GREB1L: variants seen among roughly 807,000 people sequenced by gnomAD.
GREB1L encodes GREB1-like protein.
In GREB1L, 17 loss-of-function variants were observed where a neutral mutation model predicts 200.8. The ratio of observed to expected loss-of-function variants is 0.08; its 90% CI spans 0.06 to 0.13. GREB1L has a LOEUF of 0.13. GREB1L is among the 10% of genes least tolerant of loss of function. The pLI is 1.00. For missense variants in GREB1L, 1,657 were observed against 2,367.7 expected (o/e 0.70, Z 6.23); for synonymous variants, 789 against 893.0 (o/e 0.88, Z 2.08).
chr18:21,382,008 T>TTA (rs983346484), intron 2 of GREB1L, among the ~76,000 whole-genome samples: 3 of 152,166 alleles, frequency 2.0e-5, no homozygotes, highest in Admixed American at 2.0e-4. Flanking sequence ...CTACAAGCCT[T>TTA]ACCTACCAGC....
At chr18:21,363,271 A>ACCCCCCCCCCCCC (rs1567951929) in intron 1 of GREB1L, among the ~76,000 whole-genome samples, 4 of 7,310 alleles carry the variant, frequency 5.5e-4, no homozygotes, top group Admixed American at 1.5e-3. Context: ...CCCTGCCCCC[A>ACCCCCCCCCCCCC]CTCCGCCTCC....
chr18:21,386,775 G>C (rs888401569), intron 4 of GREB1L, among the ~76,000 whole-genome samples: 8 of 152,236 alleles, frequency 5.3e-5, no homozygotes, highest in East Asian at 1.9e-4. Context: ...AAAGTGCTAG[G>C]ATTACAGGCG....
intron 15 of GREB1L, chr18:21,468,930 C>T (rs2035373652): frequency 5.3e-6 from 2 of 374,732 alleles, no homozygotes; most frequent in Non-Finnish European, 1.1e-5. Context: ...ATACTGTGTC[C>T]TCATTGCATC....
chr18:21,292,062 A>G (rs755993919), intron 1 of GREB1L, among the ~76,000 whole-genome samples: 1 of 152,200 alleles, frequency 6.6e-6, no homozygotes, highest in African/African-American at 2.4e-5. Context: ...GGGCAGTTTT[A>G]TAGTAAAATT....
chr18:21,258,268 C>T (rs2037833172), intron 1 of GREB1L, among the ~76,000 whole-genome samples: 1 of 152,138 alleles, frequency 6.6e-6, no homozygotes, highest in African/African-American at 2.4e-5. Flanking sequence ...ACAGGCTGTA[C>T]AAGGCTCAAT....
intron 4 of GREB1L, among the ~76,000 whole-genome samples, chr18:21,390,643 T>C (rs577310523): frequency 2.6e-5 from 4 of 152,290 alleles, no homozygotes; most frequent in Non-Finnish European, 5.9e-5. Flanking sequence ...TTAAAGTGAT[T>C]CTCCTGCCTC....
intron 1 of GREB1L, among the ~76,000 whole-genome samples, chr18:21,289,902 A>G (rs1407691485): frequency 1.3e-5 from 2 of 152,150 alleles, no homozygotes; most frequent in East Asian, 3.8e-4. Flanking sequence ...TTTTTTGTTG[A>G]CAAGACACAT....
chr18:21,329,959 G>GT lies in GREB1L; in HGVS notation c.-119-36058dup, dbSNP rs1555628417. Among the ~76,000 whole-genome samples the GT allele has an allele frequency of 6.6e-3, 726 of 109,350 alleles. 8 individuals are homozygous for GT. The highest frequency in any genetic ancestry group is 0.023 in the African/African-American group (645 of 28,258). The allele number at this position is 109,350 out of a possible 152,430, so 71.7% of individuals were successfully genotyped here. Reference sequence around the variant, plus strand: ...TTGGCACTCCTCTTTACCCACAATGGTTTTTTTTTTGGGGGGGGGGGGTCT... The same window carrying GT: ...TTGGCACTCCTCTTTACCCACAATGGTTTTTTTTTTTGGGGGGGGGGGGTCT... On this transcript the variant is annotated intron_variant, in intron 1 of 32. Transcript: ENST00000424526.
intron 4 of GREB1L, among the ~76,000 whole-genome samples, chr18:21,393,708 T>C (rs2040925451): frequency 6.6e-6 from 1 of 152,120 alleles, no homozygotes; most frequent in South Asian, 2.1e-4. Context: ...AGATTACAGG[T>C]GCGGGTCACC....
intron 7 of GREB1L, among the ~76,000 whole-genome samples, chr18:21,435,941 C>T (rs989450401): frequency 6.6e-6 from 1 of 151,782 alleles, no homozygotes; most frequent in African/African-American, 2.4e-5. Flanking sequence ...ATGATGAGGT[C>T]CTTGGCTAGA....
At chr18:21,487,433 T>C (rs1051569068) in intron 18 of GREB1L, among the ~76,000 whole-genome samples, 3 of 152,234 alleles carry the variant, frequency 2.0e-5, no homozygotes, top group African/African-American at 7.2e-5. Context: ...AGCATTAAGC[T>C]TGAAACATAG....
chr18:21,258,950 G>GT (rs1407470997), intron 1 of GREB1L, among the ~76,000 whole-genome samples: 1 of 152,164 alleles, frequency 6.6e-6, no homozygotes, highest in Non-Finnish European at 1.5e-5. Context: ...GGAAAAAAGT[G>GT]TTTTGAAAAA....
At chr18:21,404,238 G>A (rs926191590) in intron 7 of GREB1L, among the ~76,000 whole-genome samples, 1 of 152,160 alleles carries the variant, frequency 6.6e-6, no homozygotes, top group Non-Finnish European at 1.5e-5. Context: ...CTCATTCTAG[G>A]GGAGACTGAC....
At chr18:21,245,398 T>C (rs1416741894) in intron 1 of GREB1L, among the ~76,000 whole-genome samples, 1 of 152,220 alleles carries the variant, frequency 6.6e-6, no homozygotes, top group Non-Finnish European at 1.5e-5. Flanking sequence ...GTAATATTGA[T>C]TGATTAATGA....
At chr18:21,267,354 G>A (rs1469356446) in intron 1 of GREB1L, among the ~76,000 whole-genome samples, 8 of 151,898 alleles carry the variant, frequency 5.3e-5, no homozygotes, top group African/African-American at 1.9e-4. Context: ...GCTAATTTTT[G>A]TATTTTTAGT....
chr18:21,396,735 T>G (rs1273178510), intron 5 of GREB1L, among the ~76,000 whole-genome samples: 1 of 152,228 alleles, frequency 6.6e-6, no homozygotes, highest in African/African-American at 2.4e-5. Flanking sequence ...TTATCTAGAA[T>G]TATTTTACTT....
At chr18:21,344,278 G>T (rs1312849822) in intron 1 of GREB1L, among the ~76,000 whole-genome samples, 1 of 152,162 alleles carries the variant, frequency 6.6e-6, no homozygotes, top group East Asian at 1.9e-4. Context: ...GCAGGCGCCT[G>T]TAGTCCCAGC....
chr18:21,467,111 C>A (rs757091875), intron 15 of GREB1L, among the ~76,000 whole-genome samples: 1 of 152,062 alleles, frequency 6.6e-6, no homozygotes, highest in Non-Finnish European at 1.5e-5. Flanking sequence ...CAAAATGGAT[C>A]AAAGACCTAA....
intron 1 of GREB1L, among the ~76,000 whole-genome samples, chr18:21,299,279 GAAAA>G (rs149142489): frequency 2.0e-5 from 2 of 101,048 alleles, no homozygotes; most frequent in Non-Finnish European, 2.1e-5. Context: ...ACTCAGTCTC[GAAAA>G]AAAAAAAAAA....
Sources: gnomAD v4.1 joint callset for allele counts (sites outside exome capture counted in the v4.1 genomes callset) on GRCh38, gnomAD v4.1.1 for gene constraint, MANE v1.5 for transcripts, NCBI Gene and HGNC (gene_info 2026-07-23, HGNC 2026-07-21) for gene names.